DAB1: variants seen among roughly 807,000 people sequenced by gnomAD.
DAB1 encodes the protein disabled homolog 1.
DAB1 carries 15 observed loss-of-function variants against 64.6 expected under a neutral mutation model. That is an observed-to-expected ratio of 0.23 (90% CI 0.16 to 0.36). The LOEUF (loss-of-function observed/expected upper bound fraction) is 0.36, where lower values mean the gene tolerates loss of function less well. Among genes scored for constraint, DAB1 ranks in the 10% least tolerant of loss-of-function variants. DAB1 has a pLI of 1.00. For synonymous variants in DAB1, 235 were observed against 251.9 expected (o/e 0.93, Z 0.64); for missense variants, 596 against 706.7 (o/e 0.84, Z 1.78).
intron 1 of DAB1, among the ~76,000 whole-genome samples, chr1:58,527,779 C>G (rs113348116): frequency 2.0e-5 from 3 of 152,232 alleles, no homozygotes; most frequent in African/African-American, 7.2e-5. Flanking sequence ...AAAAAATTAA[C>G]CATATAGCAG....
chr1:57,109,297 T>G (rs1044009394), intron 4 of DAB1, among the ~76,000 whole-genome samples: 5 of 152,218 alleles, frequency 3.3e-5, no homozygotes, highest in Non-Finnish European at 7.3e-5. Context: ...TCTAGCATGC[T>G]TGTGTCTGGC....
At chr1:57,079,296 C>T (rs1652268234) in intron 4 of DAB1, among the ~76,000 whole-genome samples, 1 of 152,104 alleles carries the variant, frequency 6.6e-6, no homozygotes, top group African/African-American at 2.4e-5. Flanking sequence ...CTCCTTGAGC[C>T]CATTCAGTCT....
intron 4 of DAB1, among the ~76,000 whole-genome samples, chr1:57,122,955 C>T (rs543788184): frequency 6.6e-6 from 1 of 152,244 alleles, no homozygotes; most frequent in South Asian, 2.1e-4. Context: ...TCATGCCCCT[C>T]TCCATCCCAT....
At chr1:58,447,937 T>C (rs1162617599) in intron 3 of DAB1, among the ~76,000 whole-genome samples, 1 of 151,844 alleles carries the variant, frequency 6.6e-6, no homozygotes, top group Non-Finnish European at 1.5e-5. Flanking sequence ...CTTAACAGTG[T>C]TATCCAGAAC....
At chr1:57,113,850 C>T (rs557168308) in intron 4 of DAB1, among the ~76,000 whole-genome samples, 3 of 152,300 alleles carry the variant, frequency 2.0e-5, no homozygotes, top group Non-Finnish European at 2.9e-5. Context: ...AGACCTTTCT[C>T]ATTCCAAAGC....
intron 1 of DAB1, among the ~76,000 whole-genome samples, chr1:57,322,352 T>C (rs1675793979): frequency 6.6e-6 from 1 of 152,148 alleles, no homozygotes; most frequent in African/African-American, 2.4e-5. Context: ...GTATCACTAG[T>C]GCATTATCTA....
intron 5 of DAB1, among the ~76,000 whole-genome samples, chr1:58,009,272 A>G (rs567552093): frequency 6.6e-6 from 1 of 152,272 alleles, no homozygotes; most frequent in South Asian, 2.1e-4. Flanking sequence ...TCTTTCCACT[A>G]TATTACTATT....
chr1:57,331,896 T>C (rs1676702342), intron 1 of DAB1, among the ~76,000 whole-genome samples: 1 of 152,182 alleles, frequency 6.6e-6, no homozygotes, highest in Non-Finnish European at 1.5e-5. Context: ...AATCTTGGGT[T>C]CTTGATGACT....
At chr1:58,120,310 T>C (rs1165234345) in intron 5 of DAB1, among the ~76,000 whole-genome samples, 2 of 152,268 alleles carry the variant, frequency 1.3e-5, no homozygotes, top group Admixed American at 6.5e-5. Flanking sequence ...TGAGGAGTAG[T>C]TGACAGATCT....
upstream of DAB1, chr1:57,884,275 A>G (rs1305915144): frequency 6.6e-6 from 1 of 152,226 alleles, no homozygotes; most frequent in Non-Finnish European, 1.5e-5. Context: ...GAAGTGTATG[A>G]TTTGAAAGTG....
intron 14 of DAB1, among the ~76,000 whole-genome samples, chr1:57,008,266 C>T (rs1453558404): frequency 6.6e-6 from 1 of 152,132 alleles, no homozygotes; most frequent in East Asian, 1.9e-4. Context: ...CTTTTTTTCC[C>T]TTCCAAAGCT....
chr1:58,424,110 C>G (rs1245083986), intron 3 of DAB1, among the ~76,000 whole-genome samples: 1 of 152,120 alleles, frequency 6.6e-6, no homozygotes, highest in Non-Finnish European at 1.5e-5. Context: ...AGGGAGAGGC[C>G]TTAGTTCCAA....
intron 7 of DAB1, among the ~76,000 whole-genome samples, chr1:57,463,280 G>A (rs530947903): frequency 1.2e-4 from 19 of 152,240 alleles, no homozygotes; most frequent in South Asian, 8.3e-4. Context: ...GGTTTAGAGC[G>A]AAGTGCAAAG....
At chr1:58,250,168 G>C (rs1471299929) in intron 4 of DAB1, among the ~76,000 whole-genome samples, 1 of 152,162 alleles carries the variant, frequency 6.6e-6, no homozygotes, top group Non-Finnish European at 1.5e-5. Context: ...GGCGCCCGCG[G>C]CCGCCCCTAC....
intron 5 of DAB1, among the ~76,000 whole-genome samples, chr1:58,134,630 CA>C (rs1325962693): frequency 6.6e-6 from 1 of 152,172 alleles, no homozygotes; most frequent in African/African-American, 2.4e-5. Flanking sequence ...GAAGCAGGCA[CA>C]TTTCACATGG....
At chr1:57,517,937 C>G (rs1644481630) in intron 7 of DAB1, among the ~76,000 whole-genome samples, 1 of 152,222 alleles carries the variant, frequency 6.6e-6, no homozygotes, top group Non-Finnish European at 1.5e-5. Context: ...AGCCCCCCAG[C>G]TGGAATCCTC....
chr1:57,231,443 A>T (rs1218952419), intron 2 of DAB1, among the ~76,000 whole-genome samples: 2 of 152,172 alleles, frequency 1.3e-5, no homozygotes, highest in East Asian at 3.9e-4. Flanking sequence ...TCATGTCTGT[A>T]CACCCTCTAT....
intron 7 of DAB1, among the ~76,000 whole-genome samples, chr1:57,570,744 G>T (rs1645185106): frequency 6.6e-6 from 1 of 152,098 alleles, no homozygotes; most frequent in African/African-American, 2.4e-5. Flanking sequence ...AACGATGATG[G>T]TATTTTGGTG....
Position 57,762,800 on chromosome 1 carries a change from G to T in DAB1, n.552-113135C>A, listed in dbSNP as rs182665663. ...TCTAGAATTGCCCAGAGCCTGGATC[G>T]CCCTGAGAGATGTCCTTTATCCTTG... On this transcript the variant is annotated intron_variant and non_coding_transcript_variant, in intron 6 of 20. Coordinates refer to the DAB1 transcript ENST00000485760. Among the ~76,000 whole-genome samples, 6 of 152,270 alleles carry T rather than the reference G, an allele frequency of 3.9e-5. No homozygotes were observed. The East Asian group carries it at 9.7e-4, about 25-fold the overall frequency.
Sources: gnomAD v4.1 joint callset for allele counts (sites outside exome capture counted in the v4.1 genomes callset) on GRCh38, gnomAD v4.1.1 for gene constraint, MANE v1.5 for transcripts, NCBI Gene and HGNC (gene_info 2026-07-23, HGNC 2026-07-21) for gene names.